Variants in TG observed in about 807,000 individuals in gnomAD.
TG encodes the protein thyroid hormones.
TG carries 270 observed loss-of-function variants against 324.7 expected under a neutral mutation model. That is an observed-to-expected ratio of 0.83 (90% CI 0.75 to 0.92). The LOEUF is 0.92. Among genes scored for constraint, TG ranks in the 40% least tolerant of loss-of-function variants. TG has a pLI of 0.00. For synonymous variants in TG, 1,401 were observed against 1,327.0 expected, an observed-to-expected ratio of 1.06 and a Z score of -1.21; for missense variants, 3,591 against 3,456.4, an observed-to-expected ratio of 1.04 and a Z score of -0.98.
intron 41 of TG, among the ~76,000 whole-genome samples, chr8:133,075,704 G>A (rs533231475): frequency 6.6e-5 from 10 of 152,234 alleles, no homozygotes; most frequent in Non-Finnish European, 1.3e-4. Flanking sequence ...TGGCACAAAA[G>A]TTATTGTGGT....
intron 35 of TG, among the ~76,000 whole-genome samples, chr8:132,985,173 A>G (rs1164102930): frequency 6.6e-6 from 1 of 152,214 alleles, no homozygotes. Flanking sequence ...AAATTCCATA[A>G]AGCAAAACTT....
rs1376104275 is a variant in TG at position 132,956,750 on chromosome 8, GATGAGTACCTGGGGGCT to G, written c.5402-4254_5402-4238del. Among the ~76,000 whole-genome samples, 13 of 152,156 alleles carry G rather than the reference GATGAGTACCTGGGGGCT, an allele frequency of 8.5e-5. No individual in the cohort carries two copies. In the East Asian group the frequency reaches 2.5e-3, roughly 29 times the overall value. ...GACCAAAGGTAGGTTTGTCTTTCAGGATGAGTACCTGGGGGCTATGTGGCTGAGGGATGGGAAGGGGC... is the reference window on the plus strand; with the variant it reads ...GACCAAAGGTAGGTTTGTCTTTCAGGATGTGGCTGAGGGATGGGAAGGGGC... On this transcript the variant is annotated intron_variant, in intron 27 of 47. Coordinates refer to ENST00000220616, the MANE Select transcript of TG (RefSeq NM_003235.5).
intron 23 of TG, among the ~76,000 whole-genome samples, chr8:132,929,672 C>T (rs1822407987): frequency 2.0e-5 from 3 of 152,148 alleles, no homozygotes; most frequent in Non-Finnish European, 4.4e-5. Flanking sequence ...AGCAAGGGGT[C>T]AGGGCTTAAA....
In TG at chr8:132,881,912, G is replaced by A. The variant is rs199566100; in HGVS notation, c.688G>A (p.Glu230Lys). Residue 230 changes from glutamate (E) to lysine (K), a missense_variant, in exon 6 of 48, where the codon GAG becomes AAG. By Grantham distance (56) the Glu-to-Lys change is moderately conservative. Coordinates refer to ENST00000220616, the MANE Select transcript of TG (RefSeq NM_003235.5). ...CAGTTCCTTCCAGAGGAGGTTCCCT[G>A]AGGTATCTGGGTATTGCCACTGTGC... ...TFSSFQRRFP[E>K]VSGYCHCADS... 10 of 1,614,102 alleles carry A rather than the reference G, an allele frequency of 6.2e-6. No individual in the cohort carries two copies. The highest frequency in any genetic ancestry group is 2.2e-5 in the South Asian group (2 of 91,082).
At chr8:132,931,196 T>A (rs563932586) in intron 23 of TG, among the ~76,000 whole-genome samples, 1 of 152,344 alleles carries the variant, frequency 6.6e-6, no homozygotes, top group South Asian at 2.1e-4. Flanking sequence ...TGTGTCTGTA[T>A]CCTAATCTTT....
At chr8:132,941,639 C>G (rs1029713955) in intron 26 of TG, 97 bp downstream of exon 26, 1 of 1,407,886 alleles carries the variant, frequency 7.1e-7, no homozygotes, top group African/African-American at 1.4e-5. Context: ...ATGGGGAGTA[C>G]AGTGTGAGTG....
intron 41 of TG, among the ~76,000 whole-genome samples, chr8:133,067,993 A>G (rs1342908450): frequency 6.6e-6 from 1 of 152,182 alleles, no homozygotes; most frequent in African/African-American, 2.4e-5. Flanking sequence ...AGCTCAATAC[A>G]TAGAATAGAT....
At chr8:133,038,487 G>T in intron 41 of TG, 1 of 1,493,356 alleles carries the variant, frequency 6.7e-7, no homozygotes, top group Non-Finnish European at 9.3e-7. Context: ...TGGAACTTCT[G>T]TTCCTTTTGG....
At chr8:133,076,353 A>G (rs1335152671) in intron 41 of TG, among the ~76,000 whole-genome samples, 1 of 152,214 alleles carries the variant, frequency 6.6e-6, no homozygotes, top group African/African-American at 2.4e-5. Flanking sequence ...CACTTGGGGT[A>G]GTTTGCAAAG....
chr8:133,057,776 A>AAC (rs1358360266), intron 41 of TG, among the ~76,000 whole-genome samples: 125 of 85,726 alleles, frequency 1.5e-3, no homozygotes, highest in Middle Eastern at 6.8e-3. Context: ...ACAAAAAACA[A>AAC]AAAAAAAAAA....
chr8:132,963,822 A>G (rs1340487788), intron 29 of TG, among the ~76,000 whole-genome samples: 5 of 152,132 alleles, frequency 3.3e-5, no homozygotes, highest in Non-Finnish European at 5.9e-5. Flanking sequence ...GCAGCATGGT[A>G]CAGGGGAAAA....
At chr8:132,919,879 T>G (rs567251391) in intron 21 of TG, among the ~76,000 whole-genome samples, 2 of 152,342 alleles carry the variant, frequency 1.3e-5, no homozygotes, top group African/African-American at 2.4e-5. Flanking sequence ...GCCAGGCATT[T>G]TACCTGTGTT....
Position 133,133,673 on chromosome 8 carries a change from T to G in TG, c.8188+13T>G. 2 of 1,611,386 alleles carry G rather than the reference T, an allele frequency of 1.2e-6. No individual in the cohort carries two copies. The highest frequency in any genetic ancestry group is 1.7e-6 in the Non-Finnish European group (2 of 1,178,564). ...AAGACATCTGCAGGTAGCAAAGCCC[T>G]GGGACAAGTGGAGGGAGCTGGGTGT... On this transcript the variant is annotated intron_variant, in intron 47 of 47. Transcript: ENST00000220616.
At chr8:132,922,829 C>T (rs184311597) in intron 21 of TG, among the ~76,000 whole-genome samples, 25 of 152,322 alleles carry the variant, frequency 1.6e-4, no homozygotes, top group African/African-American at 4.8e-4. Flanking sequence ...GTTCCACTCT[C>T]ATGATCTAGT....
At chr8:132,990,483 G>T (rs1157415044) in intron 35 of TG, among the ~76,000 whole-genome samples, 2 of 151,842 alleles carry the variant, frequency 1.3e-5, no homozygotes, top group African/African-American at 4.8e-5. Context: ...CTAATTGTTA[G>T]CCATCTTCCC....
intron 45 of TG, among the ~76,000 whole-genome samples, chr8:133,126,337 G>A (rs4297024): frequency 0.09 from 13,638 of 152,234 alleles, 840 homozygotes; most frequent in South Asian, 0.21. Flanking sequence ...CAAATACAAT[G>A]ACTTAAACAG....
intron 29 of TG, among the ~76,000 whole-genome samples, chr8:132,966,257 A>G (rs1828543222): frequency 6.6e-6 from 1 of 152,160 alleles, no homozygotes. Flanking sequence ...ATTAGGTGAA[A>G]AGGTGGACCA....
chr8:133,128,337 G>GCACACACACACA lies in TG; in HGVS notation c.7863-3440_7863-3429dup, dbSNP rs59451880. ...ATCCTGAAACTGAAACAAAAGGCGT[G>GCACACACACACA]CACACACACACACACACACACACAC... On this transcript the variant is annotated intron_variant, in intron 45 of 47. Coordinates refer to ENST00000220616, the MANE Select transcript of TG (RefSeq NM_003235.5). Among the ~76,000 whole-genome samples, 375 of 133,790 alleles carry GCACACACACACA rather than the reference G, an allele frequency of 2.8e-3. 5 individuals carry two copies. Among genetic ancestry groups the GCACACACACACA allele is most frequent in the Middle Eastern group, 0.016 (4 of 258 alleles). 87.8% of individuals were successfully genotyped at this position (133,790 alleles called of 152,430 possible).
In TG at chr8:132,893,734, A is replaced by T. The variant is rs752718741; in HGVS notation, c.2806A>T (p.Ile936Phe). The change falls in exon 11 of 48, where the codon ATT becomes TTT. Residue 936 changes from isoleucine to phenylalanine, a missense_variant. Transcript: ENST00000220616. ...AGCAAAGCTCCGTGTACTGCAGTTCATTAGGGAAACGGAAGAGATTGTTTC... is the reference window on the plus strand; with the variant it reads ...AGCAAAGCTCCGTGTACTGCAGTTCTTTAGGGAAACGGAAGAGATTGTTTC... ...EEAKLRVLQF[I>F]RETEEIVSAS... 2 of 1,613,878 alleles carry T rather than the reference A, an allele frequency of 1.2e-6. No homozygotes were observed. Among genetic ancestry groups the T allele is most frequent in the South Asian group, 1.1e-5 (1 of 91,074 alleles).
Sources: allele counts gnomAD v4.1 joint callset (sites outside exome capture counted in the v4.1 genomes callset), GRCh38; gene constraint gnomAD v4.1.1; transcripts MANE v1.5; gene names NCBI Gene and HGNC (gene_info 2026-07-23, HGNC 2026-07-21).